HS6ST2: variants seen among roughly 807,000 people sequenced by gnomAD.
HS6ST2 encodes the protein heparan-sulfate 6-O-sulfotransferase 2.
HS6ST2 carries 17 observed loss-of-function variants against 33.0 expected under a neutral mutation model. The ratio of observed to expected loss-of-function variants is 0.52; its 90% CI spans 0.35 to 0.77. HS6ST2 has a LOEUF of 0.77. Among genes scored for constraint, HS6ST2 ranks in the 30% least tolerant of loss-of-function variants. HS6ST2 has a pLI of 0.01. For synonymous variants in HS6ST2, 248 were observed against 237.1 expected (o/e 1.05, Z -0.42); for missense variants, 519 against 551.7 (o/e 0.94, Z 0.59).
intron 4 of HS6ST2, among the ~76,000 whole-genome samples, chrX:132,651,341 G>A (rs1260103693): frequency 8.9e-6 from 1 of 111,867 alleles, no homozygotes; most frequent in Non-Finnish European, 1.9e-5. Context: ...ACTGGAGCAA[G>A]TGCCCCAAAT....
At chrX:132,814,948 A>G (rs1171699004) in intron 2 of HS6ST2, among the ~76,000 whole-genome samples, 3 of 112,222 alleles carry the variant, frequency 2.7e-5, no homozygotes, top group Non-Finnish European at 3.8e-5. Flanking sequence ...CAAATGCCAC[A>G]GCCTCCTTGA....
chrX:132,815,152 G>A (rs765411780), intron 2 of HS6ST2, among the ~76,000 whole-genome samples: 4 of 112,113 alleles, frequency 3.6e-5, no homozygotes, highest in Non-Finnish European at 7.5e-5. Context: ...TGGAAGAAAC[G>A]AAATAGAAAT....
intron 2 of HS6ST2, among the ~76,000 whole-genome samples, chrX:132,738,878 C>T (rs1357948968): frequency 8.9e-6 from 1 of 111,809 alleles, no homozygotes; most frequent in Non-Finnish European, 1.9e-5. Flanking sequence ...GCAAGACCAA[C>T]ATAAACTCAA....
rs1452112187 is a variant in HS6ST2, at chrX:132,784,634, G to A, written c.948-76140C>T. 3.6e-5 allele frequency among the ~76,000 whole-genome samples: 4 copies of A among 111,494 alleles called. No homozygotes were observed. In the East Asian group the frequency reaches 1.1e-3, roughly 31 times the overall value. The stretch of plus-strand genomic sequence containing the variant: ...AAAAGCTCCCTGGGTGACTGAAATC[G>A]CAGCCAGGGTTGAGAATACTTCCAG... On this transcript the variant is annotated intron_variant, in intron 2 of 4. Transcript: ENST00000370833.
chrX:132,834,243 G>A (rs2065620198), intron 2 of HS6ST2, among the ~76,000 whole-genome samples: 1 of 111,907 alleles, frequency 8.9e-6, no homozygotes, highest in Admixed American at 9.5e-5. Flanking sequence ...CAAGCCCTGG[G>A]TAAAATACTT....
intron 2 of HS6ST2, among the ~76,000 whole-genome samples, chrX:132,726,048 T>A (rs1478466379): frequency 4.5e-5 from 5 of 110,990 alleles, no homozygotes; most frequent in Non-Finnish European, 9.4e-5. Context: ...AAGGTGGGGA[T>A]GGTTAATGAA....
chrX:132,670,955 G>T (rs1170207797), intron 3 of HS6ST2, among the ~76,000 whole-genome samples: 3 of 112,340 alleles, frequency 2.7e-5, no homozygotes, highest in Non-Finnish European at 5.6e-5. Context: ...AGAGGAGGGG[G>T]CAGAAATCCA....
intron 2 of HS6ST2, among the ~76,000 whole-genome samples, chrX:132,913,537 G>C (rs1453531355): frequency 1.8e-5 from 2 of 112,562 alleles, no homozygotes; most frequent in African/African-American, 6.4e-5. Flanking sequence ...CCCAGCTGCA[G>C]GCTGAGTGTG....
At chrX:132,714,974 C>T (rs2064261106) in intron 2 of HS6ST2, among the ~76,000 whole-genome samples, 1 of 112,050 alleles carries the variant, frequency 8.9e-6, no homozygotes, top group South Asian at 3.7e-4. Context: ...TATATTTGGA[C>T]TGAGCCATAA....
At chrX:132,770,643 T>C (rs1218943396) in intron 2 of HS6ST2, among the ~76,000 whole-genome samples, 1 of 111,618 alleles carries the variant, frequency 9.0e-6, no homozygotes, top group Non-Finnish European at 1.9e-5. Context: ...CCTCTGGTGG[T>C]AGTGGTCATT....
intron 2 of HS6ST2, among the ~76,000 whole-genome samples, chrX:132,782,654 G>A (rs1412613394): frequency 9.0e-6 from 1 of 111,463 alleles, no homozygotes; most frequent in Non-Finnish European, 1.9e-5. Context: ...AATAAGTCTA[G>A]TAGGCAGTAG....
intron 2 of HS6ST2, among the ~76,000 whole-genome samples, chrX:132,730,460 G>A (rs965294732): frequency 1.8e-5 from 2 of 112,301 alleles, no homozygotes; most frequent in Non-Finnish European, 3.8e-5. Context: ...TCAGTGCAAG[G>A]AATTTAACCT....
chrX:132,628,755 G>A lies in HS6ST2; in HGVS notation c.1406C>T (p.Ala469Val), dbSNP rs966651728. The change falls in exon 5 of 5, where the codon GCG becomes GTG. Residue 469 changes from alanine to valine, a missense_variant. Transcript: ENST00000370833. ...CTGAAACTCAGTGAGGCCGAAGAAC[G>A]CCATGTGCTTCAGATTTGACTTGGC... is the stretch of plus-strand genomic sequence containing the variant. Reference protein sequence around the residue: ...ESAKSNLKHMAFFGLTEFQRK... With the variant: ...ESAKSNLKHMVFFGLTEFQRK... 9.1e-6 allele frequency: 11 copies of A among 1,211,614 alleles called. No individual in the cohort carries two copies. Among genetic ancestry groups the A allele is most frequent in the Middle Eastern group, 2.3e-4 (1 of 4,353 alleles).
chrX:132,817,569 AC>A (rs1343175297), intron 2 of HS6ST2, among the ~76,000 whole-genome samples: 3 of 112,171 alleles, frequency 2.7e-5, no homozygotes, highest in Non-Finnish European at 5.6e-5. Context: ...GCCAAGACTT[AC>A]GGAGTCACAC....
chrX:132,680,924 T>C (rs745688241), intron 3 of HS6ST2, among the ~76,000 whole-genome samples: 2 of 109,670 alleles, frequency 1.8e-5, no homozygotes, highest in African/African-American at 6.6e-5. Flanking sequence ...CACTTAAACC[T>C]GGGAGGCAGA....
intron 2 of HS6ST2, among the ~76,000 whole-genome samples, chrX:132,775,399 G>A: frequency 9.0e-6 from 1 of 111,512 alleles, no homozygotes; most frequent in Non-Finnish European, 1.9e-5. Flanking sequence ...ATGGTTTGCC[G>A]CTCTTCCTCC....
At chrX:132,872,009 C>T (rs1013355970) in intron 2 of HS6ST2, among the ~76,000 whole-genome samples, 2 of 111,540 alleles carry the variant, frequency 1.8e-5, no homozygotes, top group African/African-American at 6.5e-5. Flanking sequence ...GTGTTAAGCT[C>T]TAGCCACTGT....
intron 2 of HS6ST2, among the ~76,000 whole-genome samples, chrX:132,863,592 C>T (rs774407699): frequency 5.5e-5 from 6 of 109,233 alleles, no homozygotes; most frequent in Non-Finnish European, 1.1e-4. Context: ...CCAAACTGCT[C>T]GGATTATAGG....
chrX:132,929,826 G>A lies in HS6ST2; in HGVS notation c.947+26982C>T, dbSNP rs761810298. On this transcript the variant is annotated intron_variant, in intron 2 of 4. Transcript: ENST00000370833. ...GAAAAACTAGAGAGAAAAACAACAA[G>A]GATATGCAAAAGGTCCACAAAACCA... Among the ~76,000 whole-genome samples, 27 of 111,782 alleles carry A rather than the reference G, an allele frequency of 2.4e-4. 1 individual carries two copies. The highest frequency in any genetic ancestry group is 2.4e-3 in the Admixed American group (25 of 10,538).
Sources: allele counts gnomAD v4.1 joint callset (sites outside exome capture counted in the v4.1 genomes callset), GRCh38; gene constraint gnomAD v4.1.1; transcripts MANE v1.5; gene names NCBI Gene and HGNC (gene_info 2026-07-23, HGNC 2026-07-21).